The following SLC5A10 variants were observed in gnomAD, a reference collection of about 807,000 sequenced individuals.
The protein encoded by SLC5A10 is sodium/mannose cotransporter SLC5A10.
A neutral mutation model predicts 68.9 loss-of-function variants in SLC5A10; 55 were observed. The ratio of observed to expected loss-of-function variants is 0.80; its 90% CI spans 0.64 to 1.00. SLC5A10 has a LOEUF of 1.00. SLC5A10 is among the 50% of genes least tolerant of loss of function. The pLI is 0.00. For synonymous variants in SLC5A10, 344 were observed against 344.8 expected, an observed-to-expected ratio of 1.00 and a Z score of 0.02; for missense variants, 732 against 819.3, an observed-to-expected ratio of 0.89 and a Z score of 1.30.
rs559162584 is a variant in SLC5A10 at position 18,962,472 on chromosome 17, G to C, written c.453+1820G>C. Among the ~76,000 whole-genome samples, 4 of 152,218 alleles carry C rather than the reference G, an allele frequency of 2.6e-5. No homozygotes were observed. In the East Asian group the frequency reaches 5.8e-4, roughly 22 times the overall value. ...TGGGAGTGAGTAATAGGCAGTGGTG[G>C]GGACAAAGGCAAACCAGAGAACGTG... is the stretch of plus-strand genomic sequence containing the variant. On this transcript the variant is annotated intron_variant, in intron 5 of 14. Transcript: ENST00000395645.
At chr17:19,014,343 C>G (rs1261811730) in intron 10 of SLC5A10, among the ~76,000 whole-genome samples, 1 of 152,184 alleles carries the variant, frequency 6.6e-6, no homozygotes, top group Non-Finnish European at 1.5e-5. Flanking sequence ...CTTGAGCCCA[C>G]AACTCCCAGA....
At position 19,004,193 on chromosome 17, in the gene SLC5A10, C is replaced by T; in HGVS notation, c.983-9217C>T. ...ATCTGCGGGAAAGACCTGATGAGCC[C>T]GGCTCGGCGGGGAGGGCGGGCCGCG... On this transcript the variant is annotated intron_variant, in intron 9 of 14. Transcript: ENST00000395645. The surrounding 1 kb of genome is among the most constrained non-coding windows in gnomAD (Gnocchi z 5.4). The T allele has an allele frequency of 2.9e-6, 1 of 344,886 alleles. No individual in the cohort carries two copies. Among genetic ancestry groups the T allele is most frequent in the Non-Finnish European group, 4.6e-6 (1 of 218,446 alleles). The allele number at this position is 344,886 out of a possible 1,614,324, so 21.4% of individuals were successfully genotyped here.
At chr17:18,998,078 C>G (rs1310957060) in intron 9 of SLC5A10, among the ~76,000 whole-genome samples, 1 of 152,216 alleles carries the variant, frequency 6.6e-6, no homozygotes, top group Non-Finnish European at 1.5e-5. Flanking sequence ...CACCACCCCA[C>G]ATGGCATTTA....
chr17:18,959,106 G>A (rs780451515), intron 2 of SLC5A10, 29 bp from the exon 3 acceptor site: 5 of 1,596,538 alleles, frequency 3.1e-6, no homozygotes, highest in Middle Eastern at 1.7e-4. Context: ...GGAGCCTGCT[G>A]CTGATGCGTT....
rs958290290 is a variant in SLC5A10 at position 19,015,163 on chromosome 17, C to T, written c.1205C>T (p.Pro402Leu). 6 of 1,553,830 alleles carry T rather than the reference C, an allele frequency of 3.9e-6. No individual in the cohort carries two copies. The highest frequency in any genetic ancestry group is 5.3e-6 in the Non-Finnish European group (6 of 1,139,312). ...FTMDIWRRLR[P>L]RSGERELLLV... ...ATGGACATCTGGAGGCGGCTGCGTC[C>T]CCGCTCCGGCGAGCGGGAGCTCCTG... Residue 402 changes from proline to leucine, a missense_variant, in exon 11 of 15, where the codon CCC (proline) becomes CTC (leucine). Coordinates refer to ENST00000395645, the MANE Select transcript of SLC5A10 (RefSeq NM_001042450.4).
At chr17:18,960,482 AGGCCCTGCCT>A in intron 4 of SLC5A10, 56 bp from the exon 5 acceptor site, 1 of 1,392,540 alleles carries the variant, frequency 7.2e-7, no homozygotes, top group Non-Finnish European at 1.0e-6. Flanking sequence ...TGATTGAGAC[AGGCCCTGCCT>A]GGAGCCCTGG....
At position 19,018,897 on chromosome 17, in the gene SLC5A10, C is replaced by T. The variant is rs1246621449; in HGVS notation, c.1242-526C>T. On this transcript the variant is annotated intron_variant, in intron 11 of 14. Coordinates refer to ENST00000395645, the MANE Select transcript of SLC5A10 (RefSeq NM_001042450.4). This position sits in a 1 kb window ranked among gnomAD's most constrained non-coding sequence, Gnocchi z 4.2. Reference sequence around the variant, plus strand: ...GAAAAATCCTAGTGTCTTCAAATAACCACCAGGAAGTCAGTCTGGCCCAGA... The same window carrying T: ...GAAAAATCCTAGTGTCTTCAAATAATCACCAGGAAGTCAGTCTGGCCCAGA... 1 of 152,754 alleles carries T rather than the reference C, an allele frequency of 6.5e-6. No homozygotes were observed. Among genetic ancestry groups the T allele is most frequent in the Non-Finnish European group, 1.5e-5 (1 of 68,474 alleles). The allele number at this position is 152,754 out of a possible 1,614,324, so 9.5% of individuals were successfully genotyped here. A position where few individuals can be genotyped will look rare whatever the true frequency, so the allele number is the denominator to read the frequency against.
chr17:18,989,965 C>T (rs1053561597), intron 9 of SLC5A10, among the ~76,000 whole-genome samples: 21 of 152,286 alleles, frequency 1.4e-4, no homozygotes, highest in Admixed American at 3.9e-4. Context: ...GAGCGGACAG[C>T]GGAGGTGTGG....
At chr17:18,999,924 G>A (rs2043684895) in intron 9 of SLC5A10, among the ~76,000 whole-genome samples, 1 of 152,222 alleles carries the variant, frequency 6.6e-6, no homozygotes, top group African/African-American at 2.4e-5. Flanking sequence ...ATCCTGCTAA[G>A]GCCCCCCTGC....
At chr17:18,955,984 C>T (rs1175667030) in intron 1 of SLC5A10, among the ~76,000 whole-genome samples, 6 of 152,264 alleles carry the variant, frequency 3.9e-5, no homozygotes, top group African/African-American at 1.2e-4. Flanking sequence ...CACCTGAGGT[C>T]GGGAGTCCAA....
chr17:18,991,779 A>G (rs1344308850), intron 9 of SLC5A10, among the ~76,000 whole-genome samples: 1 of 152,186 alleles, frequency 6.6e-6, no homozygotes, highest in African/African-American at 2.4e-5. Context: ...CCAGCTCCCA[A>G]GTGAAGGAGG....
intron 10 of SLC5A10, 110 bp from the exon 11 acceptor site, chr17:19,014,939 G>A: frequency 7.5e-7 from 1 of 1,337,072 alleles, no homozygotes; most frequent in Non-Finnish European, 1.0e-6. Context: ...CTCTGCCTTG[G>A]AGGAGCATGC....
At chr17:18,984,471 G>C (rs893344142) in intron 9 of SLC5A10, among the ~76,000 whole-genome samples, 1 of 152,196 alleles carries the variant, frequency 6.6e-6, no homozygotes, top group African/African-American at 2.4e-5. Flanking sequence ...GGGCTGGGTC[G>C]TGCCTGTCCA....
intron 5 of SLC5A10, among the ~76,000 whole-genome samples, chr17:18,962,691 C>A (rs1001544415): frequency 2.6e-5 from 4 of 151,930 alleles, no homozygotes; most frequent in Non-Finnish European, 5.9e-5. Context: ...GTGACATGGT[C>A]GTGTTTGTAC....
intron 9 of SLC5A10, among the ~76,000 whole-genome samples, chr17:19,010,516 G>A (rs1389559861): frequency 6.6e-6 from 1 of 152,306 alleles, no homozygotes; most frequent in East Asian, 1.9e-4. Context: ...CACTGCCACG[G>A]TTCTCATAAA....
chr17:18,960,384 G>A (rs963719701), intron 4 of SLC5A10, among the ~76,000 whole-genome samples, 164 bp from the exon 5 acceptor site: 1 of 152,256 alleles, frequency 6.6e-6, no homozygotes, highest in Non-Finnish European at 1.5e-5. Flanking sequence ...CGGGATTCCA[G>A]GCCGGGTGCT....
At position 19,003,395 on chromosome 17, in the gene SLC5A10, G is replaced by T; in HGVS notation, c.983-10015G>T. On this transcript the variant is annotated intron_variant, in intron 9 of 14. Coordinates refer to ENST00000395645, the MANE Select transcript of SLC5A10 (RefSeq NM_001042450.4). This position sits in a 1 kb window ranked among gnomAD's most constrained non-coding sequence, Gnocchi z 4.5. ...AAACCTCCACCCAAGAGGCAGCCAG[G>T]GAAAACAGCAGAGATCCCTAGAAGC... is the stretch of plus-strand genomic sequence containing the variant. The T allele has an allele frequency of 1.9e-6, 2 of 1,069,968 alleles. No homozygotes were observed. Among genetic ancestry groups the T allele is most frequent in the Non-Finnish European group, 1.2e-6 (1 of 805,216 alleles). The allele number at this position is 1,069,968 out of a possible 1,614,324, so 66.3% of individuals were successfully genotyped here. A position where few individuals can be genotyped will look rare whatever the true frequency, so the allele number is the denominator to read the frequency against.
At position 18,969,109 on chromosome 17, in the gene SLC5A10, C is replaced by G. The variant is rs758159851; in HGVS notation, c.511C>G (p.Leu171Val). 7.4e-6 allele frequency: 12 copies of G among 1,614,138 alleles called. No individual in the cohort carries two copies. The highest frequency in any genetic ancestry group is 9.3e-6 in the Non-Finnish European group (11 of 1,179,992). The change falls in exon 6 of 15, where the codon CTC becomes GTC. Residue 171 changes from leucine (L) to valine (V), a missense_variant. Coordinates refer to ENST00000395645, the MANE Select transcript of SLC5A10 (RefSeq NM_001042450.4). Reference sequence around the variant, plus strand: ...CATCTGCCTGGGCTGGAACTTCTACCTCTCCACCATCCTCACGCTCGGCAT... The same window carrying G: ...CATCTGCCTGGGCTGGAACTTCTACGTCTCCACCATCCTCACGCTCGGCAT... Reference protein sequence around the residue: ...VHICLGWNFYLSTILTLGITA... With the variant: ...VHICLGWNFYVSTILTLGITA...
chr17:18,970,765 T>A, intron 7 of SLC5A10: 1 of 510,796 alleles, frequency 2.0e-6, no homozygotes, highest in Non-Finnish European at 3.5e-6. Flanking sequence ...GACACTGGGG[T>A]GCCCATGTGC....
Sources: allele counts gnomAD v4.1 joint callset (sites outside exome capture counted in the v4.1 genomes callset), GRCh38; gene constraint gnomAD v4.1.1; non-coding constraint Gnocchi (gnomAD v3.1); transcripts MANE v1.5; gene names NCBI Gene and HGNC (gene_info 2026-07-23, HGNC 2026-07-21).